SIRPG: variants seen among roughly 807,000 people sequenced by gnomAD.
The protein encoded by SIRPG is signal regulatory protein gamma, also known as signal-regulatory protein gamma.
Under a neutral mutation model 35.7 loss-of-function variants are expected in SIRPG, and 38 were observed. The ratio of observed to expected loss-of-function variants is 1.06; its 90% CI spans 0.82 to 1.40. The LOEUF is 1.40. Ranked by LOEUF, SIRPG falls within the 40% of genes most tolerant of loss-of-function variation. SIRPG has a pLI of 0.00. For synonymous variants in SIRPG, 215 were observed against 190.4 expected (o/e 1.13, Z -1.06); for missense variants, 519 against 483.0 (o/e 1.07, Z -0.70).
intron 4 of SIRPG, among the ~76,000 whole-genome samples, chr20:1,634,269 T>G (rs13037155): frequency 0.19 from 28,661 of 147,336 alleles, 3,408 homozygotes; most frequent in Admixed American, 0.32. Context: ...TGCAGTGGCA[T>G]GATCTCGGCT....
At chr20:1,659,050 G>A (rs1250989366), upstream of SIRPG, among the ~76,000 whole-genome samples, 2 of 152,190 alleles carry the variant, frequency 1.3e-5, no homozygotes, top group Non-Finnish European at 2.9e-5. Flanking sequence ...GCACCTTGTA[G>A]AGCTATGGTA....
At chr20:1,660,520 G>T (rs2091993332), upstream of SIRPG, among the ~76,000 whole-genome samples, 1 of 152,204 alleles carries the variant, frequency 6.6e-6, no homozygotes, top group Admixed American at 6.5e-5. Flanking sequence ...ATAGTATAGT[G>T]TCAGGAAGAT....
chr20:1,642,082 G>A (rs542572752), intron 2 of SIRPG, among the ~76,000 whole-genome samples: 1 of 152,316 alleles, frequency 6.6e-6, no homozygotes, highest in East Asian at 1.9e-4. Flanking sequence ...ATTTGGGGTG[G>A]AGAGTTCTGT....
In SIRPG at chr20:1,636,289, T is replaced by C. The variant is rs761896989; in HGVS notation, c.647A>G (p.Asp216Gly). 11 of 1,614,046 alleles carry C rather than the reference T, an allele frequency of 6.8e-6. No homozygotes were observed. The highest frequency in any genetic ancestry group is 9.3e-6 in the Non-Finnish European group (11 of 1,180,032). ...GACCTGAGAGCGAACGTCCCAGGGG[T>C]CCAGTACCACCCTGGCTGTGCTGCG... is the stretch of plus-strand genomic sequence containing the variant. ...SIRSTARVVL[D>G]PWDVRSQVIC... The change falls in exon 3 of 6, where the codon GAC (aspartate) becomes GGC (glycine). Residue 216 changes from aspartate to glycine, a missense_variant. Coordinates refer to ENST00000303415, the MANE Select transcript of SIRPG (RefSeq NM_018556.4).
the SIRPG span, among the ~76,000 whole-genome samples, chr20:1,678,129 T>C: frequency 1.3e-5 from 2 of 152,210 alleles, no homozygotes; most frequent in East Asian, 3.8e-4. Context: ...TGGTAACATT[T>C]CTTTTCTCAT....
intron 4 of SIRPG, among the ~76,000 whole-genome samples, chr20:1,632,301 A>G (rs944254704): frequency 3.9e-5 from 6 of 152,188 alleles, no homozygotes; most frequent in African/African-American, 1.4e-4. Flanking sequence ...TTGAAGAGAG[A>G]AAGCCAAACT....
chr20:1,658,309 T>A (rs759689979), upstream of SIRPG, among the ~76,000 whole-genome samples: 12 of 152,334 alleles, frequency 7.9e-5, no homozygotes, highest in Non-Finnish European at 1.5e-4. Context: ...TTCATGTGCC[T>A]GCACCCAGCA....
chr20:1,632,834 A>G (rs2091762251), intron 4 of SIRPG, among the ~76,000 whole-genome samples: 1 of 152,040 alleles, frequency 6.6e-6, no homozygotes, highest in East Asian at 1.9e-4. Context: ...CACCACTTCA[A>G]GAAACTAGAA....
intron 1 of SIRPG, among the ~76,000 whole-genome samples, chr20:1,651,989 A>G (rs1042541039): frequency 2.6e-5 from 4 of 152,192 alleles, no homozygotes; most frequent in Non-Finnish European, 5.9e-5. Context: ...TACAAATTTT[A>G]CTTGCAAATT....
chr20:1,681,565 C>G, the SIRPG span, among the ~76,000 whole-genome samples: 1 of 152,194 alleles, frequency 6.6e-6, no homozygotes, highest in African/African-American at 2.4e-5. Context: ...GGCACAGTGG[C>G]TCAAGCCTGT....
Position 1,657,613 on chromosome 20 carries a change from A to G in SIRPG, c.73+29T>C, listed in dbSNP as rs747402446. On this transcript the variant is annotated intron_variant, in intron 1 of 5. Transcript: ENST00000303415. ...AAGGCTAGGTCCAGGAAGCAGGGAG[A>G]AAGGGTTCTAGCCCAATGCAATGCT... The G allele has an allele frequency of 6.2e-6, 10 of 1,610,802 alleles. No individual in the cohort carries two copies. The East Asian group carries it at 2.2e-4, about 36-fold the overall frequency.
intron 1 of SIRPG, among the ~76,000 whole-genome samples, chr20:1,650,678 C>T (rs2091935172): frequency 6.6e-6 from 1 of 152,034 alleles, no homozygotes; most frequent in Non-Finnish European, 1.5e-5. Flanking sequence ...GAAAAAAGAG[C>T]AGAAGATTAT....
At position 1,649,238 on chromosome 20, in the gene SIRPG, CT is replaced by C; in HGVS notation, c.243del (p.Glu82LysfsTer7). 6.2e-7 allele frequency: 1 copy of C among 1,614,098 alleles called. No individual in the cohort carries two copies. The highest frequency in any genetic ancestry group is 8.5e-7 in the Non-Finnish European group (1 of 1,180,028). Reference sequence around the variant, plus strand: ...GTTGTTACCCTGGGGAAGTGGCCTTCTTTTTGATTGTAGATTAATTCCCGGC... The same window carrying C: ...GTTGTTACCCTGGGGAAGTGGCCTTCTTTTGATTGTAGATTAATTCCCGGC... ...GPGRELIYNQ[K>X]EGHFPRVTTV... On this transcript the variant is annotated frameshift_variant, in exon 2 of 6. Transcript: ENST00000303415. LOFTEE classifies it high-confidence loss of function.
chr20:1,632,630 G>A (rs2091760386), intron 4 of SIRPG, among the ~76,000 whole-genome samples: 3 of 152,026 alleles, frequency 2.0e-5, no homozygotes, highest in Admixed American at 6.6e-5. Context: ...ATGAACCCTA[G>A]AAACATCACA....
chr20:1,653,859 G>A (rs1251191416), intron 1 of SIRPG, among the ~76,000 whole-genome samples: 1 of 152,194 alleles, frequency 6.6e-6, no homozygotes. Context: ...ATGGTCACAT[G>A]AGATTTATCT....
the SIRPG span, among the ~76,000 whole-genome samples, chr20:1,676,134 T>C: frequency 1.3e-5 from 2 of 152,222 alleles, no homozygotes; most frequent in Non-Finnish European, 2.9e-5. Context: ...GGAACTTGCG[T>C]CTTTATCTGT....
intron 1 of SIRPG, among the ~76,000 whole-genome samples, chr20:1,655,142 A>G (rs911394246): frequency 6.6e-6 from 1 of 152,230 alleles, no homozygotes; most frequent in East Asian, 1.9e-4. Context: ...AATTAAAAAT[A>G]TAACTCTTAT....
At chr20:1,677,486 G>A in the SIRPG span, among the ~76,000 whole-genome samples, 1 of 152,120 alleles carries the variant, frequency 6.6e-6, no homozygotes, top group Non-Finnish European at 1.5e-5. Context: ...CATCAGCCTG[G>A]ATTCCTGAGT....
chr20:1,654,238 A>T (rs1313359054), intron 1 of SIRPG, among the ~76,000 whole-genome samples: 10 of 138,364 alleles, frequency 7.2e-5, no homozygotes, highest in Non-Finnish European at 7.7e-5. Flanking sequence ...ACTGCATCTA[A>T]AAAAAAAAAA....
Sources: allele counts gnomAD v4.1 joint callset (sites outside exome capture counted in the v4.1 genomes callset), GRCh38; gene constraint gnomAD v4.1.1; transcripts MANE v1.5; gene names NCBI Gene and HGNC (gene_info 2026-07-23, HGNC 2026-07-21).